The following CPNE9 variants were observed in gnomAD, a reference collection of about 807,000 sequenced individuals.
CPNE9 encodes the protein copine-9.
Under a neutral mutation model 83.0 loss-of-function variants are expected in CPNE9, and 59 were observed. The observed-to-expected ratio is 0.71, with a 90% CI of 0.58 to 0.88. CPNE9 has a LOEUF of 0.88. Among genes scored for constraint, CPNE9 ranks in the 40% least tolerant of loss-of-function variants. The pLI is 0.00. For synonymous variants in CPNE9, 256 were observed against 273.4 expected (o/e 0.94, Z 0.63); for missense variants, 619 against 720.8 (o/e 0.86, Z 1.62).
At position 9,718,582 on chromosome 3, in the gene CPNE9, T is replaced by A. The variant is rs374420031; in HGVS notation, c.1221T>A (p.Pro407=). 3.0e-5 allele frequency: 48 copies of A among 1,612,956 alleles called. No individual in the cohort carries two copies. The highest frequency in any genetic ancestry group is 3.7e-5 in the Non-Finnish European group (44 of 1,179,316). ...VQLYGPTYFA[P]VINQVARAAA... ...TCTATGGGCCCACCTACTTTGCTCC[T>A]GTCATCAACCAAGTGGCCAGGTAAG... is the stretch of plus-strand genomic sequence containing the variant. The change falls in exon 17 of 21, where the codon CCT becomes CCA. Residue 407 remains proline, a synonymous_variant. Transcript: ENST00000383832.
At chr3:9,713,756 T>C (rs113732776) in intron 10 of CPNE9, among the ~76,000 whole-genome samples, 1 of 151,952 alleles carries the variant, frequency 6.6e-6, no homozygotes, top group Non-Finnish European at 1.5e-5. Flanking sequence ...ACCAAATGAA[T>C]GAGTAAATGG....
In CPNE9 at chr3:9,704,653, G is replaced by A. The variant is rs536053391; in HGVS notation, c.109+26G>A. The A allele has an allele frequency of 1.2e-6, 2 of 1,613,484 alleles. No individual in the cohort carries two copies. The highest frequency in any genetic ancestry group is 1.3e-5 in the African/African-American group (1 of 75,054). On this transcript the variant is annotated intron_variant, in intron 2 of 20. Coordinates refer to ENST00000383832, the MANE Select transcript of CPNE9 (RefSeq NM_153635.3). The surrounding 1 kb of genome is among the most constrained non-coding windows in gnomAD (Gnocchi z 7.1). ...GTAGGCGGCTCCAGGACCGGGAGGG[G>A]GAACTTGGGGTCTGGGCGCGACTCA...
At chr3:9,708,905 A>G (rs1409329125) in intron 7 of CPNE9, among the ~76,000 whole-genome samples, 1 of 149,842 alleles carries the variant, frequency 6.7e-6, no homozygotes, top group East Asian at 2.0e-4. Flanking sequence ...AAGTACTGGG[A>G]TTACAGGCGT....
intron 4 of CPNE9, 47 bp from the exon 5 acceptor site, chr3:9,705,417 T>TACC: frequency 1.8e-6 from 1 of 570,220 alleles, no homozygotes; most frequent in Non-Finnish European, 3.3e-6. Flanking sequence ...CTTTCCACCC[T>TACC]CTCCCCCACC....
At chr3:9,725,132 T>A (rs1021929103) in intron 17 of CPNE9, among the ~76,000 whole-genome samples, 1 of 152,162 alleles carries the variant, frequency 6.6e-6, no homozygotes, top group African/African-American at 2.4e-5. Context: ...TTACACTATT[T>A]TTGTGTGATT....
At chr3:9,714,623 A>G (rs1055854130) in intron 10 of CPNE9, among the ~76,000 whole-genome samples, 6 of 143,506 alleles carry the variant, frequency 4.2e-5, no homozygotes, top group African/African-American at 1.6e-4. Context: ...CTGGAATACA[A>G]TAAGGCTCAA....
rs372836258 is a variant in CPNE9 at position 9,729,640 on chromosome 3, G to A, written c.1610G>A (p.Arg537Gln). The A allele has an allele frequency of 1.9e-6, 3 of 1,613,896 alleles. No individual in the cohort carries two copies. Among genetic ancestry groups the A allele is most frequent in the South Asian group, 1.1e-5 (1 of 91,074 alleles). Reference sequence around the variant, plus strand: ...ATGCGCACCAGAGACATCCAGCCTCGGCCCCCACCCCCTGCCAACCCCAGC... The same window carrying A: ...ATGCGCACCAGAGACATCCAGCCTCAGCCCCCACCCCCTGCCAACCCCAGC... ...SYMRTRDIQP[R>Q]PPPPANPSPI... is the part of the protein sequence containing the mutation. Residue 537 changes from arginine to glutamine, a missense_variant, in exon 21 of 21, where the codon CGG becomes CAG. By Grantham distance (43) the Arg-to-Gln change is conservative. This residue lies in a region of CPNE9 where 51 missense variants were observed against 40.4 expected (regional missense o/e 1.26). Coordinates refer to ENST00000383832, the MANE Select transcript of CPNE9 (RefSeq NM_153635.3).
Position 9,706,077 on chromosome 3 carries a change from G to A in CPNE9, c.377+14G>A. 1 of 1,612,624 alleles carries A rather than the reference G, an allele frequency of 6.2e-7. No individual in the cohort carries two copies. The highest frequency in any genetic ancestry group is 8.5e-7 in the Non-Finnish European group (1 of 1,179,658). On this transcript the variant is annotated intron_variant, in intron 7 of 20. Transcript: ENST00000383832. ...GCGAACCCTCACGTAAGCTGAATAGGAAGGGGTGTGGGAGTGGGGTGGGGG... is the reference window on the plus strand; with the variant it reads ...GCGAACCCTCACGTAAGCTGAATAGAAAGGGGTGTGGGAGTGGGGTGGGGG...
At position 9,717,067 on chromosome 3, in the gene CPNE9, G is replaced by C; in HGVS notation, c.894G>C (p.Leu298=). Residue 298 remains leucine (L), a synonymous_variant, in exon 15 of 21, where the codon CTG becomes CTC. Coordinates refer to ENST00000383832, the MANE Select transcript of CPNE9 (RefSeq NM_153635.3). ...TCTGCTTCCCCAACAGGACACAGCT[G>C]AACTTCACAGTAGCCATTGACTTCA... ...FVDYIKGGTQ[L]NFTVAIDFTA... 1 of 1,614,204 alleles carries C rather than the reference G, an allele frequency of 6.2e-7. No homozygotes were observed. Among genetic ancestry groups the C allele is most frequent in the Non-Finnish European group, 8.5e-7 (1 of 1,180,028 alleles).
Position 9,726,670 on chromosome 3 carries a change from C to T in CPNE9, c.1350C>T (p.Ser450=), listed in dbSNP as rs780744958. The T allele has an allele frequency of 2.0e-5, 32 of 1,613,752 alleles. No individual in the cohort carries two copies. Among genetic ancestry groups the T allele is most frequent in the Non-Finnish European group, 2.5e-6 (3 of 1,179,798 alleles). ...TCACCCTCTTTCCCCTACAGGCCTCCTCATTGCCCATGTCTATCATTATCG... is the reference window on the plus strand; with the variant it reads ...TCACCCTCTTTCCCCTACAGGCCTCTTCATTGCCCATGTCTATCATTATCG... ...TQTKEAIVSA[S]SLPMSIIIVG... Residue 450 remains serine (S), a synonymous_variant, in exon 19 of 21, where the codon TCC becomes TCT. Transcript: ENST00000383832.
rs1386746255 is a variant in CPNE9, at chr3:9,713,087, C to T, written c.650+8C>T. The stretch of plus-strand genomic sequence containing the variant: ...CAATGGAGACTATGACAGGTTGGCT[C>T]CAGCATAAGCTGGGGAGTAAGGAGC... On this transcript the variant is annotated splice_region_variant and intron_variant, in intron 10 of 20. Coordinates refer to ENST00000383832, the MANE Select transcript of CPNE9 (RefSeq NM_153635.3). 1.9e-6 allele frequency: 3 copies of T among 1,607,824 alleles called. No individual in the cohort carries two copies. Among genetic ancestry groups the T allele is most frequent in the Non-Finnish European group, 2.6e-6 (3 of 1,174,536 alleles).
chr3:9,706,259 C>A (rs1368683884), intron 7 of CPNE9, among the ~76,000 whole-genome samples, 196 bp downstream of exon 7: 1 of 150,174 alleles, frequency 6.7e-6, no homozygotes, highest in Non-Finnish European at 1.5e-5. Context: ...TATGTCTTTT[C>A]TTTTCTTTTT....
At chr3:9,726,809 T>C in intron 19 of CPNE9, 87 bp downstream of exon 19, 1 of 1,194,580 alleles carries the variant, frequency 8.4e-7, no homozygotes, top group South Asian at 1.2e-5. Context: ...GCCTCACAGA[T>C]GACACAAGGT....
chr3:9,705,778 G>C (rs930336497), intron 6 of CPNE9, 58 bp downstream of exon 6: 1 of 1,577,688 alleles, frequency 6.3e-7, no homozygotes, highest in Non-Finnish European at 8.7e-7. Flanking sequence ...GTGGAGAACA[G>C]GCTTGGACTG....
chr3:9,722,618 C>T (rs376401276), intron 17 of CPNE9, among the ~76,000 whole-genome samples: 2 of 152,014 alleles, frequency 1.3e-5, no homozygotes, highest in Non-Finnish European at 2.9e-5. Flanking sequence ...TCAAGCGATC[C>T]TCCCTCCCAC....
intron 10 of CPNE9, 105 bp from the exon 11 acceptor site, chr3:9,714,809 G>A (rs2076664869): frequency 1.0e-5 from 10 of 961,068 alleles, no homozygotes; most frequent in Non-Finnish European, 1.6e-5. Context: ...TTAATGGGAA[G>A]ACAGATGGGT....
intron 14 of CPNE9, 140 bp from the exon 15 acceptor site, chr3:9,716,918 A>T: frequency 1.2e-6 from 1 of 831,548 alleles, no homozygotes; most frequent in Middle Eastern, 2.6e-4. Flanking sequence ...GGAGTTTGTT[A>T]GGCTCTACCC....
intron 17 of CPNE9, among the ~76,000 whole-genome samples, chr3:9,724,504 G>A (rs902690779): frequency 1.3e-5 from 2 of 152,152 alleles, no homozygotes; most frequent in East Asian, 1.9e-4. Context: ...TCCCTGAGCG[G>A]TCTAAGCTCT....
chr3:9,714,072 CAATA>C (rs59251577), intron 10 of CPNE9, among the ~76,000 whole-genome samples: 5 of 148,894 alleles, frequency 3.4e-5, no homozygotes, highest in African/African-American at 7.5e-5. Context: ...GACTCCGTCT[CAATA>C]AATAAATAAA....
Sources: allele counts gnomAD v4.1 joint callset (sites outside exome capture counted in the v4.1 genomes callset), GRCh38; gene constraint gnomAD v4.1.1; regional missense constraint gnomAD v4.1.1; non-coding constraint Gnocchi (gnomAD v3.1); transcripts MANE v1.5; gene names NCBI Gene and HGNC (gene_info 2026-07-23, HGNC 2026-07-21).